ATXN10: variants seen among roughly 807,000 people sequenced by gnomAD.
ATXN10 encodes ataxin 10.
ATXN10 carries 28 observed loss-of-function variants against 52.9 expected under a neutral mutation model. That is an observed-to-expected ratio of 0.53 (90% confidence interval 0.39 to 0.73). ATXN10 has a LOEUF of 0.73. Ranked by LOEUF, ATXN10 falls within the 30% of genes least tolerant of loss-of-function variation. ATXN10 has a pLI of 0.00. For missense variants in ATXN10, 565 were observed against 577.0 expected, an observed-to-expected ratio of 0.98 and a Z score of 0.21; for synonymous variants, 226 against 221.5, an observed-to-expected ratio of 1.02 and a Z score of -0.18.
chr22:45,745,001 T>G (rs1925673200), intron 9 of ATXN10, among the ~76,000 whole-genome samples: 1 of 152,202 alleles, frequency 6.6e-6, no homozygotes, highest in Non-Finnish European at 1.5e-5. Context: ...ACTTCTATTC[T>G]TACCTTGTTT....
In ATXN10 at chr22:45,701,353, C is replaced by G. The variant is rs1923836883; in HGVS notation, c.488+975C>G. 6.6e-6 allele frequency among the ~76,000 whole-genome samples: 1 copy of G among 152,200 alleles called. No individual in the cohort carries two copies. The highest frequency in any genetic ancestry group is 1.5e-5 in the Non-Finnish European group (1 of 68,040). On this transcript the variant is annotated intron_variant, in intron 4 of 11. Transcript: ENST00000252934. The surrounding 1 kb of genome is among the most constrained non-coding windows in gnomAD (Gnocchi z 4.2). ...CATCTGGATCTAAAGCCTATCTATG[C>G]TCATTGTAAATACTGTGCTGCTTAA...
chr22:45,739,685 C>G (rs1925434852), intron 8 of ATXN10, among the ~76,000 whole-genome samples: 1 of 152,204 alleles, frequency 6.6e-6, no homozygotes, highest in Admixed American at 6.5e-5. Context: ...GCCAACTTTT[C>G]TGAGCCTGTT....
rs2146907712 is a variant in ATXN10, at chr22:45,828,954, T to C, written c.1238-14037T>C. ...TGGTACAAAAGCTAGACAGAGACAC[T>C]ACAAGAAAACTAAAGACCAACATCC... On this transcript the variant is annotated intron_variant, in intron 10 of 11. Transcript: ENST00000252934. This position sits in a 1 kb window ranked among gnomAD's most constrained non-coding sequence, Gnocchi z 4.5. 6.6e-6 allele frequency among the ~76,000 whole-genome samples: 1 copy of C among 152,226 alleles called. No individual in the cohort carries two copies. Among genetic ancestry groups the C allele is most frequent in the East Asian group, 1.9e-4 (1 of 5,182 alleles).
chr22:45,743,910 C>G (rs1432991022), intron 9 of ATXN10, among the ~76,000 whole-genome samples: 3 of 152,098 alleles, frequency 2.0e-5, no homozygotes, highest in African/African-American at 7.2e-5. Context: ...ACTTCCTGCC[C>G]CATGGTGAGA....
At chr22:45,822,937 T>G (rs1928699576) in intron 10 of ATXN10, among the ~76,000 whole-genome samples, 1 of 152,162 alleles carries the variant, frequency 6.6e-6, no homozygotes. Flanking sequence ...AAAAACTGAT[T>G]TTTAAGAACT....
At chr22:45,834,564 G>C (rs144335427) in intron 10 of ATXN10, among the ~76,000 whole-genome samples, 2 of 152,146 alleles carry the variant, frequency 1.3e-5, no homozygotes, top group African/African-American at 4.8e-5. Flanking sequence ...ACATTGTATC[G>C]TGGCTGTGTA....
At chr22:45,788,255 C>T (rs975155901) in intron 9 of ATXN10, among the ~76,000 whole-genome samples, 2 of 152,044 alleles carry the variant, frequency 1.3e-5, no homozygotes, top group African/African-American at 4.8e-5. Flanking sequence ...TTAGGTGTCT[C>T]GTCTCTAAGT....
rs1479699628 is a variant in ATXN10 at position 45,792,958 on chromosome 22, T to G, written c.1174-14001T>G. 6 of 308,794 alleles carry G rather than the reference T, an allele frequency of 1.9e-5. No individual in the cohort carries two copies. The Admixed American group carries it at 2.1e-4, about 11-fold the overall frequency. The allele number at this position is 308,794 out of a possible 1,614,324, so 19.1% of individuals were successfully genotyped here. On this transcript the variant is annotated intron_variant, in intron 9 of 11. Transcript: ENST00000252934. The stretch of plus-strand genomic sequence containing the variant: ...TCATAGATAAGGTGAATCAAATGAT[T>G]TACATGTTTACTGACAAGAGCTTTT...
intron 6 of ATXN10, among the ~76,000 whole-genome samples, chr22:45,720,316 CT>C (rs75983888): frequency 3.0e-3 from 422 of 140,502 alleles, no homozygotes; most frequent in Admixed American, 3.2e-3. Flanking sequence ...CTATTGTAAC[CT>C]TTTTTTTTTT....
rs530140765 is a variant in ATXN10, at chr22:45,824,133, G to C, written c.1237+17111G>C. Among the ~76,000 whole-genome samples, 1 of 152,056 alleles carries C rather than the reference G, an allele frequency of 6.6e-6. No individual in the cohort carries two copies. Among genetic ancestry groups the C allele is most frequent in the Non-Finnish European group, 1.5e-5 (1 of 68,012 alleles). The stretch of plus-strand genomic sequence containing the variant: ...CCTTCCCCACGCTCTTACCTGCTGA[G>C]TGTAGTCAGCCCGTCCTGTTTTCCC... On this transcript the variant is annotated intron_variant, in intron 10 of 11. Coordinates refer to ENST00000252934, the MANE Select transcript of ATXN10 (RefSeq NM_013236.4). This position sits in a 1 kb window ranked among gnomAD's most constrained non-coding sequence, Gnocchi z 5.2.
At chr22:45,740,326 G>A in intron 8 of ATXN10, 43 bp from the exon 9 acceptor site, 1 of 1,605,440 alleles carries the variant, frequency 6.2e-7, no homozygotes, top group African/African-American at 1.3e-5. Context: ...CATACTAAAA[G>A]TTACTTTTCT....
chr22:45,813,192 G>A lies in ATXN10; in HGVS notation c.1237+6170G>A, dbSNP rs1385573687. The stretch of plus-strand genomic sequence containing the variant: ...AAATTCCAGCTCCGCTACCACAGAG[G>A]CAATTTCTTATTTGTCAGTTTATTG... On this transcript the variant is annotated intron_variant, in intron 10 of 11. Transcript: ENST00000252934. Among the ~76,000 whole-genome samples, 8 of 152,214 alleles carry A rather than the reference G, an allele frequency of 5.3e-5. No individual in the cohort carries two copies. In the East Asian group the frequency reaches 1.5e-3, roughly 29 times the overall value.
chr22:45,767,328 G>A (rs899366515), intron 9 of ATXN10, among the ~76,000 whole-genome samples: 3 of 151,832 alleles, frequency 2.0e-5, no homozygotes, highest in Non-Finnish European at 2.9e-5. Context: ...AATAGCAATC[G>A]CAAAACATTT....
intron 3 of ATXN10, among the ~76,000 whole-genome samples, chr22:45,699,458 A>T (rs545294601): frequency 6.8e-6 from 1 of 147,518 alleles, no homozygotes; most frequent in South Asian, 2.2e-4. Flanking sequence ...TAAAATATTC[A>T]GTAGAAATCT....
In ATXN10 at chr22:45,671,946, A is replaced by G. The variant is rs1922455339; in HGVS notation, c.-118A>G. 8.5e-6 allele frequency: 10 copies of G among 1,180,616 alleles called. 1 individual carries two copies. The South Asian group carries it at 1.4e-4, about 16-fold the overall frequency. 73.1% of individuals were successfully genotyped at this position (1,180,616 alleles called of 1,614,324 possible). On this transcript the variant is annotated 5_prime_UTR_variant, in exon 1 of 12. Coordinates refer to ENST00000252934, the MANE Select transcript of ATXN10 (RefSeq NM_013236.4). ...GCGGCGGCGGCGGTTAGGGCTGTGTAGGGCGAGGCCTCCCCCTTCCTCCTC... is the reference window on the plus strand; with the variant it reads ...GCGGCGGCGGCGGTTAGGGCTGTGTGGGGCGAGGCCTCCCCCTTCCTCCTC...
In ATXN10 at chr22:45,834,908, T is replaced by C. The variant is rs183826693; in HGVS notation, c.1238-8083T>C. ...CTGCCCCAAATCCAACTGGAACTACTTCATGGCCCCAAAACCCTTTCGTGT... is the reference window on the plus strand; with the variant it reads ...CTGCCCCAAATCCAACTGGAACTACCTCATGGCCCCAAAACCCTTTCGTGT... On this transcript the variant is annotated intron_variant, in intron 10 of 11. Coordinates refer to ENST00000252934, the MANE Select transcript of ATXN10 (RefSeq NM_013236.4). Among the ~76,000 whole-genome samples, 642 of 152,308 alleles carry C rather than the reference T, an allele frequency of 4.2e-3. 1 individual carries two copies. The highest frequency in any genetic ancestry group is 6.5e-3 in the Non-Finnish European group (445 of 68,028).
intron 9 of ATXN10, among the ~76,000 whole-genome samples, chr22:45,765,761 C>T (rs528135988): frequency 6.6e-5 from 10 of 152,282 alleles, no homozygotes; most frequent in East Asian, 1.9e-4. Context: ...TGTCCCTATT[C>T]GTACCATGTG....
At chr22:45,771,109 A>T (rs1254210157) in intron 9 of ATXN10, among the ~76,000 whole-genome samples, 4 of 152,222 alleles carry the variant, frequency 2.6e-5, no homozygotes, top group Admixed American at 6.5e-5. Flanking sequence ...TACCCTGGAA[A>T]AGTGAAAAGA....
intron 7 of ATXN10, among the ~76,000 whole-genome samples, chr22:45,731,289 A>G (rs902150919): frequency 1.3e-5 from 2 of 152,190 alleles, no homozygotes; most frequent in African/African-American, 2.4e-5. Context: ...GGCCAGATAT[A>G]TCGGTCATGA....
Sources: gnomAD v4.1 joint callset for allele counts (sites outside exome capture counted in the v4.1 genomes callset) on GRCh38, gnomAD v4.1.1 for gene constraint, Gnocchi (gnomAD v3.1) non-coding constraint, MANE v1.5 for transcripts, NCBI Gene and HGNC (gene_info 2026-07-23, HGNC 2026-07-21) for gene names.